The following LRRC1 variants were observed in gnomAD, a reference collection of about 807,000 sequenced individuals.
LRRC1 encodes the protein leucine-rich repeat-containing protein 1.
Under a neutral mutation model 69.9 loss-of-function variants are expected in LRRC1, and 28 were observed. The observed-to-expected ratio is 0.40, with a 90% CI of 0.30 to 0.55. LRRC1 has a LOEUF of 0.55. Among genes scored for constraint, LRRC1 ranks in the 20% least tolerant of loss-of-function variants. The pLI is 0.47. For missense variants in LRRC1, 498 were observed against 609.0 expected (o/e 0.82, Z 1.92); for synonymous variants, 236 against 240.2 (o/e 0.98, Z 0.16).
chr6:53,795,362 C>T lies in LRRC1; in HGVS notation c.106C>T (p.Arg36Trp), dbSNP rs755914646. The change falls in exon 1 of 14, where the codon CGG (arginine) becomes TGG (tryptophan). Residue 36 changes from arginine (R) to tryptophan (W), a missense_variant. Physicochemically the swap from Arg to Trp is moderately radical, Grantham distance 101 (BLOSUM62 -3). Around this residue, in one of 3 missense-constraint regions of LRRC1, gnomAD observed 70 missense variants for 62.1 expected, o/e 1.13. Transcript: ENST00000370888. ...CCCCGAGGAGATCTACCGCTATGCCCGGAGCCTGGAGGAGCTGCTGCTGGA... is the reference window on the plus strand; with the variant it reads ...CCCCGAGGAGATCTACCGCTATGCCTGGAGCCTGGAGGAGCTGCTGCTGGA... ...YVPEEIYRYA[R>W]SLEELLLDAN... 7 of 1,613,666 alleles carry T rather than the reference C, an allele frequency of 4.3e-6. No homozygotes were observed. The highest frequency in any genetic ancestry group is 4.5e-5 in the East Asian group (2 of 44,866).
chr6:53,877,192 CTA>C (rs1198461615), intron 2 of LRRC1, among the ~76,000 whole-genome samples: 6 of 152,332 alleles, frequency 3.9e-5, no homozygotes, highest in East Asian at 1.9e-4. Context: ...ACAGCCCAAG[CTA>C]TACTTTGGCC....
chr6:53,814,617 G>A (rs1439753327), intron 1 of LRRC1, among the ~76,000 whole-genome samples: 1 of 152,232 alleles, frequency 6.6e-6, no homozygotes, highest in Admixed American at 6.5e-5. Context: ...GCATAGTGCA[G>A]CCTGGTCGGA....
intron 5 of LRRC1, 137 bp downstream of exon 5, chr6:53,896,691 C>T (rs1398618195): frequency 1.0e-6 from 1 of 1,002,462 alleles, no homozygotes; most frequent in East Asian, 2.4e-5. Context: ...CTTTTCTTAA[C>T]AATCCTTCCT....
intron 2 of LRRC1, among the ~76,000 whole-genome samples, chr6:53,848,357 A>G (rs918981094): frequency 6.6e-6 from 1 of 152,222 alleles, no homozygotes; most frequent in African/African-American, 2.4e-5. Flanking sequence ...TTACCTTTAA[A>G]GTAGGGGTGA....
intron 1 of LRRC1, among the ~76,000 whole-genome samples, chr6:53,803,069 G>A (rs1764532213): frequency 6.6e-6 from 1 of 152,180 alleles, no homozygotes; most frequent in Non-Finnish European, 1.5e-5. Flanking sequence ...GGCTTCCAGT[G>A]AATTTCCCCC....
chr6:53,856,175 T>C (rs543279065), intron 2 of LRRC1, among the ~76,000 whole-genome samples: 13 of 152,324 alleles, frequency 8.5e-5, no homozygotes, highest in Admixed American at 2.6e-4. Flanking sequence ...TTGGCAACAG[T>C]GTATGCTTCA....
At chr6:53,907,152 T>C (rs1022370795) in intron 10 of LRRC1, among the ~76,000 whole-genome samples, 2 of 152,260 alleles carry the variant, frequency 1.3e-5, no homozygotes, top group Admixed American at 1.3e-4. Context: ...CCTCCAAGCT[T>C]GATGCCATTT....
chr6:53,822,523 C>T (rs746973170), intron 1 of LRRC1, among the ~76,000 whole-genome samples: 1 of 152,176 alleles, frequency 6.6e-6, no homozygotes, highest in Non-Finnish European at 1.5e-5. Flanking sequence ...GAAAGCATGT[C>T]TTACTAAAGG....
chr6:53,798,949 C>T (rs1764385480), intron 1 of LRRC1, among the ~76,000 whole-genome samples: 3 of 152,170 alleles, frequency 2.0e-5, no homozygotes, highest in African/African-American at 7.2e-5. Flanking sequence ...CCTTGGCTTC[C>T]CCTCTGTACT....
At chr6:53,870,176 G>T (rs1165846899) in intron 2 of LRRC1, among the ~76,000 whole-genome samples, 1 of 152,064 alleles carries the variant, frequency 6.6e-6, no homozygotes, top group Non-Finnish European at 1.5e-5. Flanking sequence ...AATTGTTTTT[G>T]TTATCCTCTG....
rs140376114 is a variant in LRRC1 at position 53,892,397 on chromosome 6, G to T, written c.447-4101G>T. Among the ~76,000 whole-genome samples the T allele has an allele frequency of 1.7e-3, 265 of 152,306 alleles. 1 individual carries two copies. Among genetic ancestry groups the T allele is most frequent in the African/African-American group, 5.7e-3 (238 of 41,558 alleles). Reference sequence around the variant, plus strand: ...ATGCCTGATTCTTTCTCGTATCTCTGTAATACCATGTTTAACTGAAATAGT... The same window carrying T: ...ATGCCTGATTCTTTCTCGTATCTCTTTAATACCATGTTTAACTGAAATAGT... On this transcript the variant is annotated intron_variant, in intron 4 of 13. Transcript: ENST00000370888.
chr6:53,850,957 A>G (rs1766108589), intron 2 of LRRC1, among the ~76,000 whole-genome samples: 1 of 152,154 alleles, frequency 6.6e-6, no homozygotes, highest in Non-Finnish European at 1.5e-5. Flanking sequence ...CACCATTTCT[A>G]TCAACACTCT....
At chr6:53,916,829 A>G (rs1229019318) in intron 11 of LRRC1, among the ~76,000 whole-genome samples, 2 of 152,240 alleles carry the variant, frequency 1.3e-5, no homozygotes, top group African/African-American at 2.4e-5. Flanking sequence ...AGCAGTTGCT[A>G]TAGTAGTTCA....
chr6:53,818,423 A>C (rs1765015006), intron 1 of LRRC1, among the ~76,000 whole-genome samples: 1 of 152,240 alleles, frequency 6.6e-6, no homozygotes, highest in African/African-American at 2.4e-5. Context: ...AAGAAAAAGG[A>C]AATACAGTGA....
chr6:53,832,670 T>A (rs1022738169), intron 1 of LRRC1, among the ~76,000 whole-genome samples: 3 of 152,196 alleles, frequency 2.0e-5, no homozygotes, highest in African/African-American at 7.2e-5. Flanking sequence ...GATGATACAT[T>A]TGGTTAAAAT....
chr6:53,849,565 A>G (rs1214350190), intron 2 of LRRC1, among the ~76,000 whole-genome samples: 1 of 152,228 alleles, frequency 6.6e-6, no homozygotes, highest in Non-Finnish European at 1.5e-5. Flanking sequence ...TCTTTTTGTC[A>G]GGATGGTAAC....
At chr6:53,868,412 A>G (rs12202128) in intron 2 of LRRC1, among the ~76,000 whole-genome samples, 1 of 151,856 alleles carries the variant, frequency 6.6e-6, no homozygotes, top group Non-Finnish European at 1.5e-5. Flanking sequence ...TTTAGTAGAG[A>G]TGGGGTTTCC....
In LRRC1 at chr6:53,913,843, T is replaced by C. The variant is rs1333791396; in HGVS notation, c.991-11T>C. ...AACTGGAAAAAAGATGTATTTTCTT[T>C]CTCACCATAGATCGGCGGGTGCTGC... is the stretch of plus-strand genomic sequence containing the variant. On this transcript the variant is annotated splice_polypyrimidine_tract_variant and intron_variant, in intron 10 of 13. Coordinates refer to ENST00000370888, the MANE Select transcript of LRRC1 (RefSeq NM_018214.5). 1 of 1,579,734 alleles carries C rather than the reference T, an allele frequency of 6.3e-7. No homozygotes were observed. Among genetic ancestry groups the C allele is most frequent in the Non-Finnish European group, 8.7e-7 (1 of 1,152,126 alleles).
chr6:53,873,717 T>A (rs1011491809), intron 2 of LRRC1, among the ~76,000 whole-genome samples: 1 of 152,198 alleles, frequency 6.6e-6, no homozygotes, highest in African/African-American at 2.4e-5. Flanking sequence ...TAAAATTATG[T>A]CATCTACAAA....
Sources: allele counts gnomAD v4.1 joint callset (sites outside exome capture counted in the v4.1 genomes callset), GRCh38; gene constraint gnomAD v4.1.1; regional missense constraint gnomAD v4.1.1; transcripts MANE v1.5; gene names NCBI Gene and HGNC (gene_info 2026-07-23, HGNC 2026-07-21).